The following MYOF variants were observed in gnomAD, a reference collection of about 807,000 sequenced individuals.
MYOF encodes the protein myoferlin.
MYOF carries 244 observed loss-of-function variants against 284.2 expected under a neutral mutation model. That is an observed-to-expected ratio of 0.86 (90% CI 0.77 to 0.95). The LOEUF is 0.95. MYOF is among the 40% of genes least tolerant of loss of function. MYOF has a pLI of 0.00. For missense variants in MYOF, 2,496 were observed against 2,560.6 expected (o/e 0.97, Z 0.54); for synonymous variants, 904 against 919.7 (o/e 0.98, Z 0.31).
intron 52 of MYOF, 64 bp from the exon 53 acceptor site, chr10:93,310,231 C>T: frequency 6.4e-7 from 1 of 1,553,406 alleles, no homozygotes; most frequent in Admixed American, 1.7e-5. Context: ...TATTCCAGAG[C>T]ATAACACAGT....
chr10:93,407,537 T>G (rs1196487373), intron 7 of MYOF, among the ~76,000 whole-genome samples: 1 of 144,456 alleles, frequency 6.9e-6, no homozygotes, highest in African/African-American at 2.6e-5. Flanking sequence ...GAGACCATCC[T>G]GGCCAACATG....
chr10:93,454,796 AG>A (rs1376979495), intron 2 of MYOF, among the ~76,000 whole-genome samples: 2 of 151,524 alleles, frequency 1.3e-5, no homozygotes, highest in African/African-American at 4.9e-5. Flanking sequence ...TGGGCAACAT[AG>A]CAGGATGTAA....
chr10:93,407,358 G>T (rs1333158353), intron 7 of MYOF, among the ~76,000 whole-genome samples: 2 of 144,624 alleles, frequency 1.4e-5, no homozygotes, highest in African/African-American at 5.1e-5. Flanking sequence ...AGCCTGGGAG[G>T]TGGAGGTTGC....
At chr10:93,452,006 G>T (rs1564729982) in intron 3 of MYOF, 44 bp downstream of exon 3, 1 of 1,304,166 alleles carries the variant, frequency 7.7e-7, no homozygotes, top group East Asian at 2.3e-5. Context: ...ACAACAGTGA[G>T]ATAGTAATAC....
intron 2 of MYOF, among the ~76,000 whole-genome samples, chr10:93,456,034 G>A (rs1589598925): frequency 6.6e-6 from 1 of 152,256 alleles, no homozygotes; most frequent in Middle Eastern, 3.4e-3. Context: ...ACAGTGGGGG[G>A]AGGTAAATAA....
intron 51 of MYOF, among the ~76,000 whole-genome samples, chr10:93,311,455 C>CAA (rs11397640): frequency 0.041 from 5,364 of 129,606 alleles, 131 homozygotes; most frequent in Middle Eastern, 0.054. Context: ...ACTAAAAATA[C>CAA]AAAAAAAAAA....
chr10:93,356,617 A>G (rs532293924), intron 30 of MYOF, 58 bp downstream of exon 30: 290 of 1,529,120 alleles, frequency 1.9e-4, no homozygotes, highest in Non-Finnish European at 2.5e-4. Context: ...GCTGTATCCA[A>G]CACTCATATA....
chr10:93,348,817 C>T (rs11187394), intron 36 of MYOF, among the ~76,000 whole-genome samples: 42,393 of 151,874 alleles, frequency 0.28, 7,198 homozygotes, highest in East Asian at 0.89. Context: ...ATGTTCACCC[C>T]GCAGGATTAA....
intron 51 of MYOF, among the ~76,000 whole-genome samples, chr10:93,311,682 A>G (rs1162228877): frequency 6.6e-6 from 1 of 152,116 alleles, no homozygotes; most frequent in African/African-American, 2.4e-5. Context: ...TCTAAGAGCC[A>G]GGAAAGGCAG....
intron 1 of MYOF, chr10:93,478,088 C>A: frequency 4.8e-6 from 1 of 208,486 alleles, no homozygotes. Flanking sequence ...TGCATAATCC[C>A]TTCTGGGTTG....
At chr10:93,423,025 G>A (rs1178369189) in intron 5 of MYOF, among the ~76,000 whole-genome samples, 2 of 152,070 alleles carry the variant, frequency 1.3e-5, no homozygotes, top group Admixed American at 1.3e-4. Flanking sequence ...CAGTGTACTG[G>A]GTTGAATACT....
chr10:93,323,428 A>T (rs1319823754), intron 46 of MYOF, 70 bp from the exon 47 acceptor site: 1 of 1,328,212 alleles, frequency 7.5e-7, no homozygotes, highest in Admixed American at 2.4e-5. Context: ...ATTTTCTTTC[A>T]TATTTCTTAG....
Position 93,377,394 on chromosome 10 carries a change from T to A in MYOF, c.2037A>T (p.Gln679His). ...CCAGCTGGTTTGCAGGAATTTTACC[T>A]TGTATCCCTGATTTTAGAGCTTCTA... ...TNIEALKSGI[Q>H]GKIPANQLAE... Residue 679 changes from glutamine (Q) to histidine (H), a missense_variant, in exon 22 of 54, where the codon CAA becomes CAT. Gln to His is a conservative substitution (Grantham distance 24). Coordinates refer to ENST00000359263, the MANE Select transcript of MYOF (RefSeq NM_013451.4). 1 of 1,614,054 alleles carries A rather than the reference T, an allele frequency of 6.2e-7. No individual in the cohort carries two copies. Among genetic ancestry groups the A allele is most frequent in the South Asian group, 1.1e-5 (1 of 91,078 alleles).
intron 44 of MYOF, 146 bp downstream of exon 44, chr10:93,329,518 T>G: frequency 1.2e-6 from 1 of 838,004 alleles, no homozygotes; most frequent in Non-Finnish European, 1.8e-6. Flanking sequence ...GGAGATTCCC[T>G]AGAATAATCC....
intron 3 of MYOF, among the ~76,000 whole-genome samples, chr10:93,445,566 T>C (rs1282736076): frequency 6.6e-6 from 1 of 152,212 alleles, no homozygotes; most frequent in Non-Finnish European, 1.5e-5. Context: ...GTTGGATGAC[T>C]GTAAAGTGAG....
rs146745648 is a variant in MYOF, at chr10:93,337,210, A to G, written c.4437+605T>C. On this transcript the variant is annotated intron_variant, in intron 40 of 53. Coordinates refer to ENST00000359263, the MANE Select transcript of MYOF (RefSeq NM_013451.4). ...TCTCATTCTAAAGTTTTTTTTTCTC[A>G]TATACACTGTTCTGAAAACTTTAGC... 5.7e-3 allele frequency among the ~76,000 whole-genome samples: 840 copies of G among 147,168 alleles called. 9 individuals are homozygous for G. Among genetic ancestry groups the G allele is most frequent in the African/African-American group, 0.02 (798 of 39,606 alleles).
rs183114681 is a variant in MYOF, at chr10:93,429,108, C to T, written c.345+2300G>A. 4.0e-4 allele frequency among the ~76,000 whole-genome samples: 61 copies of T among 152,292 alleles called. No homozygotes were observed. In the East Asian group the frequency reaches 0.011, roughly 27 times the overall value. ...TTGGGTCATGGGGGCGGATCCCTCA[C>T]GAAGGGCTTGGTGCCATTCTTGCAG... On this transcript the variant is annotated intron_variant, in intron 4 of 53. Coordinates refer to ENST00000359263, the MANE Select transcript of MYOF (RefSeq NM_013451.4).
chr10:93,420,354 T>C (rs1848309415), intron 5 of MYOF, among the ~76,000 whole-genome samples: 2 of 152,162 alleles, frequency 1.3e-5, no homozygotes, highest in Admixed American at 6.5e-5. Context: ...GTAACAGGTT[T>C]TCAGGTCAAG....
chr10:93,465,831 C>T (rs1026879191), intron 1 of MYOF, among the ~76,000 whole-genome samples: 4 of 152,166 alleles, frequency 2.6e-5, no homozygotes, highest in Non-Finnish European at 5.9e-5. Context: ...TTTCTTATTA[C>T]AGCACCAGGG....
Sources: gnomAD v4.1 joint callset for allele counts (sites outside exome capture counted in the v4.1 genomes callset) on GRCh38, gnomAD v4.1.1 for gene constraint, MANE v1.5 for transcripts, NCBI Gene and HGNC (gene_info 2026-07-23, HGNC 2026-07-21) for gene names.